The following PDE4D variants were observed in gnomAD, a reference collection of about 807,000 sequenced individuals.
PDE4D encodes phosphodiesterase 4D.
A neutral mutation model predicts 87.4 loss-of-function variants in PDE4D; 24 were observed. That is an observed-to-expected ratio of 0.27 (90% CI 0.20 to 0.39). PDE4D has a LOEUF of 0.39. Ranked by LOEUF, PDE4D falls within the 10% of genes least tolerant of loss-of-function variation. The pLI is 1.00. For synonymous variants in PDE4D, 384 were observed against 383.2 expected (o/e 1.00, Z -0.02); for missense variants, 714 against 1,041.0 (o/e 0.69, Z 4.32).
intron 1 of PDE4D, among the ~76,000 whole-genome samples, chr5:60,295,988 T>C (rs1753345784): frequency 1.3e-5 from 2 of 152,212 alleles, no homozygotes; most frequent in Admixed American, 1.3e-4. Context: ...GCCAGCTTCA[T>C]CATAGATGGC....
chr5:60,289,084 G>A (rs970950178), intron 1 of PDE4D, among the ~76,000 whole-genome samples: 2 of 152,144 alleles, frequency 1.3e-5, no homozygotes, highest in Non-Finnish European at 2.9e-5. Context: ...CCGTCACTAC[G>A]TTTTTGCAGC....
intron 1 of PDE4D, among the ~76,000 whole-genome samples, chr5:59,487,189 C>A (rs576947226): frequency 6.6e-6 from 1 of 152,010 alleles, no homozygotes. Flanking sequence ...GGCAAAGGAG[C>A]GTCTAAGAAG....
intron 1 of PDE4D, among the ~76,000 whole-genome samples, chr5:59,574,053 TATATAA>T: frequency 1.3e-5 from 1 of 75,210 alleles, no homozygotes; most frequent in African/African-American, 5.8e-5. Flanking sequence ...TATATATTTA[TATATAA>T]AAATATATAT....
intron 1 of PDE4D, among the ~76,000 whole-genome samples, chr5:59,686,169 G>T (rs1749823736): frequency 6.6e-6 from 1 of 152,050 alleles, no homozygotes; most frequent in Admixed American, 6.6e-5. Flanking sequence ...TACTGAAAAA[G>T]ATTATAACAA....
intron 1 of PDE4D, among the ~76,000 whole-genome samples, chr5:60,374,716 T>A (rs556426144): frequency 1.3e-5 from 2 of 152,216 alleles, no homozygotes; most frequent in Admixed American, 1.3e-4. Flanking sequence ...AGGGCATTGT[T>A]CCCAGTTCAA....
chr5:59,098,202 A>C (rs538025112), intron 5 of PDE4D, among the ~76,000 whole-genome samples: 23 of 152,302 alleles, frequency 1.5e-4, no homozygotes, highest in Non-Finnish European at 3.1e-4. Flanking sequence ...TAATTTTAGA[A>C]ATTTGGTAAA....
chr5:59,653,569 G>A (rs989873936), intron 1 of PDE4D, among the ~76,000 whole-genome samples: 1 of 152,182 alleles, frequency 6.6e-6, no homozygotes, highest in Admixed American at 6.5e-5. Flanking sequence ...ATAGTACTCT[G>A]TAGGACTGGA....
chr5:59,817,328 C>G (rs1769087462), intron 1 of PDE4D, among the ~76,000 whole-genome samples: 1 of 152,106 alleles, frequency 6.6e-6, no homozygotes, highest in African/African-American at 2.4e-5. Context: ...GAACATCTAC[C>G]ATGTGTGGGA....
intron 1 of PDE4D, among the ~76,000 whole-genome samples, chr5:60,501,722 G>A (rs1212902301): frequency 6.6e-6 from 1 of 151,916 alleles, no homozygotes; most frequent in Non-Finnish European, 1.5e-5. Flanking sequence ...ATCTCATTGT[G>A]GTTTTGATTT....
chr5:60,234,565 A>G (rs1746204841), intron 1 of PDE4D, among the ~76,000 whole-genome samples: 1 of 151,882 alleles, frequency 6.6e-6, no homozygotes, highest in South Asian at 2.1e-4. Flanking sequence ...ACCACCAACA[A>G]TGAATGAAAA....
chr5:60,299,865 C>A (rs1304028697), intron 1 of PDE4D, among the ~76,000 whole-genome samples: 2 of 152,138 alleles, frequency 1.3e-5, no homozygotes, highest in African/African-American at 4.8e-5. Flanking sequence ...TGAACATACA[C>A]ATGTATGTAT....
At chr5:60,272,975 T>G (rs558193665) in intron 1 of PDE4D, among the ~76,000 whole-genome samples, 1 of 152,238 alleles carries the variant, frequency 6.6e-6, no homozygotes, top group Non-Finnish European at 1.5e-5. Flanking sequence ...CTCACACTTA[T>G]TTACCATGGC....
chr5:59,243,921 C>T (rs1459391718), intron 1 of PDE4D, among the ~76,000 whole-genome samples: 2 of 151,848 alleles, frequency 1.3e-5, no homozygotes, highest in Non-Finnish European at 2.9e-5. Context: ...ATTTCTTCTA[C>T]AAAGATGCTT....
chr5:59,200,203 GTA>G (rs1746770958), intron 2 of PDE4D, among the ~76,000 whole-genome samples: 1 of 127,496 alleles, frequency 7.8e-6, no homozygotes, highest in South Asian at 2.4e-4. Flanking sequence ...ACACGTGTAT[GTA>G]TAGATACACG....
chr5:59,211,835 T>C (rs917797990), intron 2 of PDE4D, among the ~76,000 whole-genome samples: 1 of 152,114 alleles, frequency 6.6e-6, no homozygotes, highest in African/African-American at 2.4e-5. Context: ...AAGATGACGA[T>C]ATCCTATCTA....
chr5:59,693,851 C>T (rs868473638), intron 1 of PDE4D, among the ~76,000 whole-genome samples: 1 of 152,094 alleles, frequency 6.6e-6, no homozygotes, highest in South Asian at 2.1e-4. Flanking sequence ...TCAATAAGCT[C>T]GGAGTAGTCT....
At chr5:59,363,861 T>C (rs907599444) in intron 1 of PDE4D, among the ~76,000 whole-genome samples, 4 of 152,172 alleles carry the variant, frequency 2.6e-5, no homozygotes, top group Non-Finnish European at 4.4e-5. Flanking sequence ...TGGGTTCAAC[T>C]GTGGTAACTA....
At chr5:59,886,472 G>A (rs994950493) in intron 1 of PDE4D, among the ~76,000 whole-genome samples, 1 of 151,764 alleles carries the variant, frequency 6.6e-6, no homozygotes, top group Non-Finnish European at 1.5e-5. Context: ...AGCCGAGATC[G>A]CGCCATTCCA....
intron 1 of PDE4D, among the ~76,000 whole-genome samples, chr5:60,359,491 T>G (rs1251677916): frequency 6.6e-6 from 1 of 152,144 alleles, no homozygotes; most frequent in East Asian, 1.9e-4. Flanking sequence ...GTTTCAAAGG[T>G]GGGTCTTATA....
Sources: gnomAD v4.1 joint callset for allele counts (sites outside exome capture counted in the v4.1 genomes callset) on GRCh38, gnomAD v4.1.1 for gene constraint, MANE v1.5 for transcripts, NCBI Gene and HGNC (gene_info 2026-07-23, HGNC 2026-07-21) for gene names.